The following ESYT3 variants were observed in gnomAD, a reference collection of about 807,000 sequenced individuals.
The protein encoded by ESYT3 is extended synaptotagmin-3.
In ESYT3, 101 loss-of-function variants were observed where a neutral mutation model predicts 111.5. The ratio of observed to expected loss-of-function variants is 0.91; its 90% CI spans 0.77 to 1.07. The LOEUF is 1.07. Ranked by LOEUF, ESYT3 falls within the 50% of genes least tolerant of loss-of-function variation. The pLI, the probability that ESYT3 is intolerant of heterozygous loss-of-function variation, is 0.00. For missense variants in ESYT3, 1,097 were observed against 1,109.4 expected, an observed-to-expected ratio of 0.99 and a Z score of 0.16; for synonymous variants, 416 against 446.8, an observed-to-expected ratio of 0.93 and a Z score of 0.87.
intron 8 of ESYT3, among the ~76,000 whole-genome samples, chr3:138,463,744 A>G (rs1460475293): frequency 6.6e-6 from 1 of 152,242 alleles, no homozygotes; most frequent in African/African-American, 2.4e-5. Flanking sequence ...CCCATGAACT[A>G]TGCCTTTCCT....
chr3:138,475,660 GCTCACGC>G (rs2033444875), intron 20 of ESYT3, among the ~76,000 whole-genome samples: 1 of 152,232 alleles, frequency 6.6e-6, no homozygotes, highest in South Asian at 2.1e-4. Context: ...AGGTGTGGTG[GCTCACGC>G]CTGTAATCCC....
Position 138,471,953 on chromosome 3 carries a change from G to A in ESYT3, c.1741-410G>A, listed in dbSNP as rs76465578. ...TGTCATCAGTCTTTGCTGGTAGGCC[G>A]AATAATTTTTATCCTAAACTACTTT... On this transcript the variant is annotated intron_variant, in intron 17 of 22. Transcript: ENST00000389567. Among the ~76,000 whole-genome samples the A allele has an allele frequency of 2.6e-3, 399 of 152,256 alleles. 1 individual carries two copies. The highest frequency in any genetic ancestry group is 8.4e-3 in the African/African-American group (349 of 41,540).
chr3:138,452,286 C>T (rs1466883908), intron 2 of ESYT3, among the ~76,000 whole-genome samples, 197 bp downstream of exon 2: 2 of 152,164 alleles, frequency 1.3e-5, no homozygotes, highest in African/African-American at 2.4e-5. Flanking sequence ...AATACGTGGT[C>T]ACAGCAGAAA....
At position 138,440,581 on chromosome 3, in the gene ESYT3, G is replaced by A. The variant is rs1358595670; in HGVS notation, c.327+5456G>A. Among the ~76,000 whole-genome samples, 2 of 152,156 alleles carry A rather than the reference G, an allele frequency of 1.3e-5. No homozygotes were observed. The highest frequency in any genetic ancestry group is 2.9e-5 in the Non-Finnish European group (2 of 68,034). On this transcript the variant is annotated intron_variant, in intron 1 of 22. Coordinates refer to ENST00000389567, the MANE Select transcript of ESYT3 (RefSeq NM_031913.5). This position sits in a 1 kb window ranked among gnomAD's most constrained non-coding sequence, Gnocchi z 4.2. ...CTGGTTGGGTGCTGCTTGGAATTAGGGAGACTTCTTACCCTTGAGGTCCCT... is the reference window on the plus strand; with the variant it reads ...CTGGTTGGGTGCTGCTTGGAATTAGAGAGACTTCTTACCCTTGAGGTCCCT...
rs1211046324 is a variant in ESYT3, at chr3:138,462,175, A to T, written c.884A>T (p.Asp295Val). Reference protein sequence around the residue: ...RVTVPVKKGLDLTNLRFPLPC... With the variant: ...RVTVPVKKGLVLTNLRFPLPC... ...ACTGTGCCTGTGAAGAAGGGGCTGGATCTGACCAACCTGCGCTTCCCTCTG... is the reference window on the plus strand; with the variant it reads ...ACTGTGCCTGTGAAGAAGGGGCTGGTTCTGACCAACCTGCGCTTCCCTCTG... The change falls in exon 8 of 23, where the codon GAT becomes GTT. Residue 295 changes from aspartate (D) to valine (V), a missense_variant. Asp to Val is a radical substitution (Grantham distance 152). Transcript: ENST00000389567. 6.2e-7 allele frequency: 1 copy of T among 1,614,204 alleles called. No individual in the cohort carries two copies. The highest frequency in any genetic ancestry group is 1.7e-5 in the Admixed American group (1 of 60,030).
At chr3:138,466,147 T>C (rs2032916184) in intron 10 of ESYT3, among the ~76,000 whole-genome samples, 1 of 152,164 alleles carries the variant, frequency 6.6e-6, no homozygotes, top group South Asian at 2.1e-4. Context: ...AACATGTCAT[T>C]TGAGTCATCA....
chr3:138,475,623 C>A lies in ESYT3; in HGVS notation c.2469-600C>A, dbSNP rs1015746649. On this transcript the variant is annotated intron_variant, in intron 20 of 22. Coordinates refer to ENST00000389567, the MANE Select transcript of ESYT3 (RefSeq NM_031913.5). ...TAGGTACTGTTCAGGGTGAGGAGGG[C>A]CAGCTAAAAGAGTGGTAGCCAGGGG... 1.4e-4 allele frequency among the ~76,000 whole-genome samples: 21 copies of A among 152,198 alleles called. 1 individual carries two copies. The highest frequency in any genetic ancestry group is 4.3e-4 in the African/African-American group (18 of 41,532).
At chr3:138,436,684 T>A (rs1376990621) in intron 1 of ESYT3, among the ~76,000 whole-genome samples, 1 of 152,188 alleles carries the variant, frequency 6.6e-6, no homozygotes, top group African/African-American at 2.4e-5. Flanking sequence ...TCTGTGGGGC[T>A]TGTGATTCTG....
At position 138,462,199 on chromosome 3, in the gene ESYT3, T is replaced by A; in HGVS notation, c.908T>A (p.Leu303Gln). Residue 303 changes from leucine to glutamine, a missense_variant, in exon 8 of 23, where the codon CTG becomes CAG. Coordinates refer to ENST00000389567, the MANE Select transcript of ESYT3 (RefSeq NM_031913.5). ...GATCTGACCAACCTGCGCTTCCCTCTGCCCTGTGTGAGTACCCAGTACTAG... is the reference window on the plus strand; with the variant it reads ...GATCTGACCAACCTGCGCTTCCCTCAGCCCTGTGTGAGTACCCAGTACTAG... ...GLDLTNLRFP[L>Q]PCGVIRVHLL... The A allele has an allele frequency of 6.2e-7, 1 of 1,614,230 alleles. No individual in the cohort carries two copies. The highest frequency in any genetic ancestry group is 1.7e-5 in the Admixed American group (1 of 60,030).
chr3:138,472,901 T>A (rs367792421), intron 18 of ESYT3, 42 bp downstream of exon 18: 1 of 1,569,766 alleles, frequency 6.4e-7, no homozygotes, highest in Non-Finnish European at 8.6e-7. Flanking sequence ...ATCGCCTGTA[T>A]GAAAAATACC....
chr3:138,440,164 G>A lies in ESYT3; in HGVS notation c.327+5039G>A, dbSNP rs1218073490. 6.6e-6 allele frequency among the ~76,000 whole-genome samples: 1 copy of A among 152,198 alleles called. No individual in the cohort carries two copies. Among genetic ancestry groups the A allele is most frequent in the Non-Finnish European group, 1.5e-5 (1 of 68,034 alleles). On this transcript the variant is annotated intron_variant, in intron 1 of 22. Coordinates refer to ENST00000389567, the MANE Select transcript of ESYT3 (RefSeq NM_031913.5). The surrounding 1 kb of genome is among the most constrained non-coding windows in gnomAD (Gnocchi z 4.2). ...ACCCCACTCGCTGCCTTTCATGCCT[G>A]TCCCCATCTAACTGGGTGCGCACTG...
chr3:138,452,184 C>A, intron 2 of ESYT3, 95 bp downstream of exon 2: 2 of 1,276,062 alleles, frequency 1.6e-6, no homozygotes, highest in Non-Finnish European at 2.2e-6. Context: ...GGCCTCGCGG[C>A]AATTTCCTTG....
At chr3:138,476,355 C>T in intron 21 of ESYT3, 27 bp downstream of exon 21, 2 of 1,596,266 alleles carry the variant, frequency 1.3e-6, no homozygotes, top group African/African-American at 1.3e-5. Context: ...TTTGATATAC[C>T]AAGGAGATTA....
intron 17 of ESYT3, among the ~76,000 whole-genome samples, 162 bp downstream of exon 17, chr3:138,471,188 T>C (rs2033202612): frequency 6.6e-6 from 1 of 152,324 alleles, no homozygotes; most frequent in East Asian, 1.9e-4. Context: ...AGCAAGTCAA[T>C]ATTCAAAGAG....
Position 138,471,017 on chromosome 3 carries a change from G to C in ESYT3, c.1731G>C (p.Leu577=), listed in dbSNP as rs775890917. ...SGLDSLISMR[L]VLRFLQVEER... ...TGGACAGCCTCATCTCCATGAGGCT[G>C]GTGCTTCGGGTAAATCTCTCCGGTC... The change falls in exon 17 of 23, where the codon CTG becomes CTC. Residue 577 remains leucine, a synonymous_variant. Transcript: ENST00000389567. 107 of 1,613,650 alleles carry C rather than the reference G, an allele frequency of 6.6e-5. No homozygotes were observed. Among genetic ancestry groups the C allele is most frequent in the Non-Finnish European group, 8.6e-5 (102 of 1,179,880 alleles).
intron 1 of ESYT3, among the ~76,000 whole-genome samples, chr3:138,448,932 A>T (rs2031741861): frequency 1.3e-5 from 2 of 151,814 alleles, no homozygotes; most frequent in Non-Finnish European, 2.9e-5. Context: ...CTTGGACTGA[A>T]TTGTTGCTTT....
chr3:138,454,540 A>G (rs1214945234), intron 2 of ESYT3, among the ~76,000 whole-genome samples: 1 of 152,164 alleles, frequency 6.6e-6, no homozygotes, highest in Non-Finnish European at 1.5e-5. Flanking sequence ...CTGGGCAACA[A>G]GAGCGAAACT....
Position 138,476,868 on chromosome 3 carries a change from T to G in ESYT3, c.*14T>G. The G allele has an allele frequency of 6.2e-7, 1 of 1,607,496 alleles. No homozygotes were observed. The highest frequency in any genetic ancestry group is 8.5e-7 in the Non-Finnish European group (1 of 1,174,068). On this transcript the variant is annotated 3_prime_UTR_variant, in exon 23 of 23. Coordinates refer to ENST00000389567, the MANE Select transcript of ESYT3 (RefSeq NM_031913.5). ...CCCAGAAGCTGATGATGAGAATTCT[T>G]ATCACTCACCTTTATATTAAAATGT...
intron 22 of ESYT3, 77 bp from the exon 23 acceptor site, chr3:138,476,741 C>G: frequency 1.4e-6 from 2 of 1,435,156 alleles, no homozygotes; most frequent in Non-Finnish European, 9.8e-7. Context: ...CCCAGGCAGG[C>G]AGGACTAGGC....
Sources: gnomAD v4.1 joint callset for allele counts (sites outside exome capture counted in the v4.1 genomes callset) on GRCh38, gnomAD v4.1.1 for gene constraint, Gnocchi (gnomAD v3.1) non-coding constraint, MANE v1.5 for transcripts, NCBI Gene and HGNC (gene_info 2026-07-23, HGNC 2026-07-21) for gene names.